CELF2: variants seen among roughly 807,000 people sequenced by gnomAD.
The protein encoded by CELF2 is CUG triplet repeat RNA-binding protein 2.
In CELF2, 8 loss-of-function variants were observed where a neutral mutation model predicts 62.6. The ratio of observed to expected loss-of-function variants is 0.13; its 90% CI spans 0.07 to 0.23. The LOEUF is 0.23. Among genes scored for constraint, CELF2 ranks in the 10% least tolerant of loss-of-function variants. The pLI, the probability that CELF2 is intolerant of heterozygous loss-of-function variation, is 1.00. For missense variants in CELF2, 333 were observed against 671.0 expected, an observed-to-expected ratio of 0.50 and a Z score of 5.56; for synonymous variants, 258 against 250.0, an observed-to-expected ratio of 1.03 and a Z score of -0.30.
At chr10:10,569,936 T>C in the CELF2 span, among the ~76,000 whole-genome samples, 1 of 152,344 alleles carries the variant, frequency 6.6e-6, no homozygotes, top group East Asian at 1.9e-4. Flanking sequence ...AGATTGCCTC[T>C]GTCTTACTTC....
chr10:10,862,827 T>A (rs1186223075), intron 1 of CELF2, among the ~76,000 whole-genome samples: 6 of 152,240 alleles, frequency 3.9e-5, no homozygotes, highest in Admixed American at 2.6e-4. Context: ...TTATTCTAAT[T>A]AAAAATATTC....
At chr10:10,538,941 G>A in the CELF2 span, among the ~76,000 whole-genome samples, 3 of 152,178 alleles carry the variant, frequency 2.0e-5, no homozygotes, top group African/African-American at 7.2e-5. Flanking sequence ...TCTCTTAAGA[G>A]GGAAGTAGGA....
At chr10:11,086,306 C>G (rs1035085623) in intron 1 of CELF2, among the ~76,000 whole-genome samples, 1 of 151,974 alleles carries the variant, frequency 6.6e-6, no homozygotes, top group Non-Finnish European at 1.5e-5. Flanking sequence ...CCGTATTTTT[C>G]CCTCCGCCTG....
chr10:10,561,309 G>A, the CELF2 span, among the ~76,000 whole-genome samples: 2 of 152,138 alleles, frequency 1.3e-5, no homozygotes, highest in African/African-American at 4.8e-5. Context: ...TAGTGGATAT[G>A]ACTGCTGAGC....
intron 1 of CELF2, among the ~76,000 whole-genome samples, chr10:11,033,412 C>T (rs1234735665): frequency 6.6e-6 from 1 of 152,150 alleles, no homozygotes; most frequent in African/African-American, 2.4e-5. Flanking sequence ...CATGCGCCAC[C>T]ACACCCGGCT....
chr10:10,694,222 C>T, the CELF2 span, among the ~76,000 whole-genome samples: 4 of 151,484 alleles, frequency 2.6e-5, no homozygotes, highest in Non-Finnish European at 5.9e-5. Flanking sequence ...TCTTTGTTCT[C>T]GTTGGTTTCA....
the CELF2 span, among the ~76,000 whole-genome samples, chr10:10,677,942 T>TGAC: frequency 6.6e-6 from 1 of 152,200 alleles, no homozygotes; most frequent in Admixed American, 6.5e-5. Context: ...AATTGACTTG[T>TGAC]GACAGTCAAT....
chr10:11,239,093 G>A (rs2072727491), intron 3 of CELF2, among the ~76,000 whole-genome samples: 1 of 152,166 alleles, frequency 6.6e-6, no homozygotes, highest in Non-Finnish European at 1.5e-5. Context: ...AGAGTAATCT[G>A]TCAGAAATGA....
chr10:11,008,993 C>T lies in CELF2; in HGVS notation c.53+3553C>T. ...ATTTCTTTGCATATTTTGATAATTC[C>T]TGGGGAATTTGCGGGGGGGGGGGGG... On this transcript the variant is annotated intron_variant, in intron 1 of 12. Transcript: ENST00000416382. The surrounding 1 kb of genome is among the most constrained non-coding windows in gnomAD (Gnocchi z 4.5). 1.3e-5 allele frequency among the ~76,000 whole-genome samples: 1 copy of T among 75,092 alleles called. No homozygotes were observed. Among genetic ancestry groups the T allele is most frequent in the African/African-American group, 5.5e-5 (1 of 18,260 alleles). The allele number at this position is 75,092 out of a possible 152,430, so 49.3% of individuals were successfully genotyped here. A position where few individuals can be genotyped will look rare whatever the true frequency, so the allele number is the denominator to read the frequency against.
At chr10:10,944,825 A>G (rs555668908) in intron 2 of CELF2, among the ~76,000 whole-genome samples, 1 of 152,306 alleles carries the variant, frequency 6.6e-6, no homozygotes, top group Admixed American at 6.5e-5. Flanking sequence ...CTGGTCCCGA[A>G]CAACTGAACT....
chr10:10,500,231 A>G, the CELF2 span, among the ~76,000 whole-genome samples: 1 of 152,140 alleles, frequency 6.6e-6, no homozygotes, highest in African/African-American at 2.4e-5. Flanking sequence ...TTTTATTTTG[A>G]GATTATTGTA....
chr10:11,074,814 A>G (rs1564626709), intron 1 of CELF2: 1 of 152,098 alleles, frequency 6.6e-6, no homozygotes, highest in Non-Finnish European at 1.5e-5. Flanking sequence ...GAAAATATCC[A>G]TTTCCTTTGT....
the CELF2 span, among the ~76,000 whole-genome samples, chr10:10,774,522 A>C: frequency 6.6e-6 from 1 of 152,060 alleles, no homozygotes; most frequent in African/African-American, 2.4e-5. Context: ...TGGTTGTTTA[A>C]AAGTGTGTGG....
chr10:11,294,400 G>A (rs1173780030), intron 9 of CELF2, among the ~76,000 whole-genome samples: 1 of 152,174 alleles, frequency 6.6e-6, no homozygotes, highest in Admixed American at 6.5e-5. Context: ...ATAAAACACA[G>A]GGCATTTTAT....
At chr10:11,162,345 T>G (rs2065913398) in intron 1 of CELF2, among the ~76,000 whole-genome samples, 1 of 152,018 alleles carries the variant, frequency 6.6e-6, no homozygotes, top group Non-Finnish European at 1.5e-5. Context: ...ATCAGGAAGG[T>G]GGGGGGTGGT....
At chr10:10,491,593 T>A in the CELF2 span, among the ~76,000 whole-genome samples, 4 of 152,326 alleles carry the variant, frequency 2.6e-5, no homozygotes, top group African/African-American at 9.6e-5. Context: ...TGGGTATTAA[T>A]TTTCTTACTT....
intron 1 of CELF2, among the ~76,000 whole-genome samples, chr10:10,867,773 A>C (rs1056118540): frequency 6.6e-6 from 1 of 152,254 alleles, no homozygotes; most frequent in Non-Finnish European, 1.5e-5. Context: ...AGCCGAGCAC[A>C]GATGGAAAAA....
intron 1 of CELF2, among the ~76,000 whole-genome samples, chr10:11,068,232 T>C (rs1291854): frequency 0.67 from 102,519 of 152,170 alleles, 36,109 homozygotes; most frequent in African/African-American, 0.88. Context: ...CAAATACTCA[T>C]ACTAATCAGA....
Position 11,243,974 on chromosome 10 carries a change from A to G in CELF2, c.355-5179A>G, listed in dbSNP as rs1275867188. Among the ~76,000 whole-genome samples, 1 of 152,192 alleles carries G rather than the reference A, an allele frequency of 6.6e-6. No individual in the cohort carries two copies. The highest frequency in any genetic ancestry group is 2.4e-5 in the African/African-American group (1 of 41,454). ...CTGACCCTAGCCACACAGTAGGTAG[A>G]TTGAATTAGCGACCACCACATCACC... is the stretch of plus-strand genomic sequence containing the variant. On this transcript the variant is annotated intron_variant, in intron 3 of 12. Coordinates refer to ENST00000633077, the MANE Select transcript of CELF2 (RefSeq NM_001326342.2). The surrounding 1 kb of genome is among the most constrained non-coding windows in gnomAD (Gnocchi z 4.1).
Sources: gnomAD v4.1 joint callset for allele counts (sites outside exome capture counted in the v4.1 genomes callset) on GRCh38, gnomAD v4.1.1 for gene constraint, Gnocchi (gnomAD v3.1) non-coding constraint, MANE v1.5 for transcripts, NCBI Gene and HGNC (gene_info 2026-07-23, HGNC 2026-07-21) for gene names.